Variants in FRY observed in about 807,000 individuals in gnomAD.
FRY encodes the protein protein furry homolog.
FRY carries 128 observed loss-of-function variants against 348.4 expected under a neutral mutation model. The observed-to-expected ratio is 0.37, with a 90% confidence interval of 0.32 to 0.43. FRY has a LOEUF of 0.43. FRY is among the 20% of genes least tolerant of loss of function. FRY has a pLI of 1.00. For synonymous variants in FRY, 1,370 were observed against 1,374.7 expected (o/e 1.00, Z 0.08); for missense variants, 2,736 against 3,695.2 (o/e 0.74, Z 6.73).
chr13:32,097,663 G>T (rs576363675), intron 2 of FRY, among the ~76,000 whole-genome samples: 2 of 151,826 alleles, frequency 1.3e-5, no homozygotes, highest in Non-Finnish European at 2.9e-5. Context: ...GCCCGGCCCA[G>T]AACCATTTAA....
In FRY at chr13:32,176,685, A is replaced by AT. The variant is rs928993196; in HGVS notation, c.2421+1057dup. On this transcript the variant is annotated intron_variant, in intron 20 of 60. Coordinates refer to ENST00000542859, the MANE Select transcript of FRY (RefSeq NM_023037.3). Reference sequence around the variant, plus strand: ...TACTTGCCTACAGATAACACTTTATATTTTGTTCATGTGCTTTTGTTCTGT... The same window carrying AT: ...TACTTGCCTACAGATAACACTTTATATTTTTGTTCATGTGCTTTTGTTCTGT... Among the ~76,000 whole-genome samples the AT allele has an allele frequency of 7.2e-5, 11 of 152,320 alleles. No individual in the cohort carries two copies. The South Asian group carries it at 1.2e-3, about 17-fold the overall frequency.
At chr13:32,213,055 G>A (rs371909404) in intron 35 of FRY, among the ~76,000 whole-genome samples, 3 of 152,102 alleles carry the variant, frequency 2.0e-5, no homozygotes, top group East Asian at 1.9e-4. Flanking sequence ...TGATCCTCAC[G>A]GTGCTTCAGC....
chr13:32,222,895 T>A (rs547111113), intron 36 of FRY, among the ~76,000 whole-genome samples: 2 of 152,212 alleles, frequency 1.3e-5, no homozygotes, highest in Non-Finnish European at 2.9e-5. Context: ...GGGTATGGGA[T>A]ATGAGGGGAA....
intron 4 of FRY, among the ~76,000 whole-genome samples, chr13:32,124,069 C>A (rs533942711): frequency 6.6e-6 from 1 of 152,246 alleles, no homozygotes; most frequent in African/African-American, 2.4e-5. Flanking sequence ...AACTCCTGAC[C>A]TCAGGTAATC....
intron 59 of FRY, among the ~76,000 whole-genome samples, chr13:32,293,378 G>A (rs1374350743): frequency 6.6e-6 from 1 of 152,138 alleles, no homozygotes. Context: ...GTAGGTAGTT[G>A]CATTTAACAG....
chr13:32,205,696 C>T (rs1192091373), intron 31 of FRY, among the ~76,000 whole-genome samples: 2 of 151,990 alleles, frequency 1.3e-5, no homozygotes, highest in Non-Finnish European at 2.9e-5. Context: ...TCCAAGCAAG[C>T]TGCTGGGGTT....
intron 2 of FRY, among the ~76,000 whole-genome samples, chr13:32,085,029 C>CTTTATTGACCT (rs1875768385): frequency 6.6e-6 from 1 of 152,032 alleles, no homozygotes; most frequent in Non-Finnish European, 1.5e-5. Context: ...TTTATTGGAA[C>CTTTATTGACCT]CTGTGTGTTT....
chr13:32,261,180 T>TA (rs1887624495), intron 51 of FRY, among the ~76,000 whole-genome samples: 2 of 152,202 alleles, frequency 1.3e-5, no homozygotes, highest in Admixed American at 1.3e-4. Flanking sequence ...TGGAATGTGC[T>TA]ACAAGCAGCA....
At position 32,094,386 on chromosome 13, in the gene FRY, T is replaced by G. The variant is rs907353468; in HGVS notation, c.271-7577T>G. Among the ~76,000 whole-genome samples, 13 of 152,324 alleles carry G rather than the reference T, an allele frequency of 8.5e-5. 1 individual carries two copies. The South Asian group carries it at 2.7e-3, about 32-fold the overall frequency. On this transcript the variant is annotated intron_variant, in intron 2 of 60. Coordinates refer to ENST00000542859, the MANE Select transcript of FRY (RefSeq NM_023037.3). ...AGTTCAGTTACGCTCTTTTAGTTACTTTAAAGTGCACAATTAAATTATTAT... is the reference window on the plus strand; with the variant it reads ...AGTTCAGTTACGCTCTTTTAGTTACGTTAAAGTGCACAATTAAATTATTAT...
chr13:32,073,542 CG>C, intron 1 of FRY, among the ~76,000 whole-genome samples: 1 of 150,436 alleles, frequency 6.6e-6, no homozygotes, highest in East Asian at 2.0e-4. Flanking sequence ...TGTATGTGGG[CG>C]GGTGTGTGTG....
intron 1 of FRY, among the ~76,000 whole-genome samples, chr13:32,069,881 A>G (rs1235338268): frequency 4.1e-5 from 6 of 147,196 alleles, no homozygotes; most frequent in African/African-American, 1.0e-4. Flanking sequence ...ACCCCCCAAG[A>G]GGCCCCGGTG....
At position 32,102,021 on chromosome 13, in the gene FRY, G is replaced by A. The variant is rs769980154; in HGVS notation, c.324+5G>A. 1 of 1,486,952 alleles carries A rather than the reference G, an allele frequency of 6.7e-7. No homozygotes were observed. Among genetic ancestry groups the A allele is most frequent in the Non-Finnish European group, 9.4e-7 (1 of 1,063,798 alleles). The allele number at this position is 1,486,952 out of a possible 1,614,324, so 92.1% of individuals were successfully genotyped here. ...GAAGACCCCCAATTTGATCAGGTAT[G>A]TGATATATATGTTATATACTAGTTT... On this transcript the variant is annotated splice_donor_5th_base_variant and intron_variant, in intron 3 of 60. Coordinates refer to ENST00000542859, the MANE Select transcript of FRY (RefSeq NM_023037.3).
chr13:32,293,293 C>G (rs1191450580), intron 59 of FRY, among the ~76,000 whole-genome samples: 3 of 152,110 alleles, frequency 2.0e-5, no homozygotes, highest in Non-Finnish European at 4.4e-5. Context: ...AAATTTAAAA[C>G]TACAAACAAA....
At chr13:32,056,738 T>G (rs1004910026) in intron 1 of FRY, among the ~76,000 whole-genome samples, 1 of 152,234 alleles carries the variant, frequency 6.6e-6, no homozygotes, top group African/African-American at 2.4e-5. Context: ...CTTTTGGCAC[T>G]GGCATCTATT....
At chr13:32,136,369 TA>T in intron 10 of FRY, among the ~76,000 whole-genome samples, 1 of 152,212 alleles carries the variant, frequency 6.6e-6, no homozygotes. Flanking sequence ...ACCAATGCAA[TA>T]ACACTTCTTT....
chr13:32,089,347 A>G (rs983102321), intron 2 of FRY, among the ~76,000 whole-genome samples: 3 of 152,190 alleles, frequency 2.0e-5, no homozygotes, highest in Non-Finnish European at 2.9e-5. Context: ...TTTCTACTCA[A>G]TTCCTAAGTT....
At chr13:32,124,903 T>G in intron 7 of FRY, 28 bp downstream of exon 7, 1 of 1,501,054 alleles carries the variant, frequency 6.7e-7, no homozygotes. Context: ...CCCTTTACCA[T>G]GAGAACGTGC....
intron 1 of FRY, among the ~76,000 whole-genome samples, chr13:32,033,338 G>C (rs1486253254): frequency 2.0e-5 from 3 of 152,158 alleles, no homozygotes; most frequent in Non-Finnish European, 4.4e-5. Context: ...ACTCACTTTT[G>C]AGTTGACATC....
chr13:32,033,431 A>G (rs752558189), intron 1 of FRY, among the ~76,000 whole-genome samples: 1 of 152,248 alleles, frequency 6.6e-6, no homozygotes, highest in African/African-American at 2.4e-5. Context: ...ATCATTAAAT[A>G]GAAAATTATG....
Sources: allele counts gnomAD v4.1 joint callset (sites outside exome capture counted in the v4.1 genomes callset), GRCh38; gene constraint gnomAD v4.1.1; transcripts MANE v1.5; gene names NCBI Gene and HGNC (gene_info 2026-07-23, HGNC 2026-07-21).